Variants in TBC1D19 observed in about 807,000 individuals in gnomAD.
TBC1D19 encodes the protein TBC1 domain family, member 19.
TBC1D19 carries 60 observed loss-of-function variants against 89.0 expected under a neutral mutation model. That is an observed-to-expected ratio of 0.67 (90% CI 0.55 to 0.84). TBC1D19 has a LOEUF of 0.84. Among genes scored for constraint, TBC1D19 ranks in the 40% least tolerant of loss-of-function variants. The pLI is 0.00. For missense variants in TBC1D19, 500 were observed against 610.8 expected, an observed-to-expected ratio of 0.82 and a Z score of 1.91; for synonymous variants, 189 against 199.7, an observed-to-expected ratio of 0.95 and a Z score of 0.45.
intron 18 of TBC1D19, 105 bp downstream of exon 18, chr4:26,742,704 G>T: frequency 1.4e-6 from 1 of 723,056 alleles, no homozygotes; most frequent in Non-Finnish European, 2.2e-6. Context: ...GAGACATTAA[G>T]CTAACAGTTT....
chr4:26,774,158 G>T, the TBC1D19 span, among the ~76,000 whole-genome samples: 1 of 152,198 alleles, frequency 6.6e-6, no homozygotes, highest in Non-Finnish European at 1.5e-5. Context: ...CCCCACAGCT[G>T]CACTGATCCA....
At chr4:26,624,007 A>G (rs1289116066) in intron 4 of TBC1D19, among the ~76,000 whole-genome samples, 2 of 152,116 alleles carry the variant, frequency 1.3e-5, no homozygotes, top group African/African-American at 2.4e-5. Context: ...CCAGTTGCCT[A>G]AAAAATGAAG....
chr4:26,710,141 A>G (rs964346210), intron 13 of TBC1D19, among the ~76,000 whole-genome samples: 2 of 152,054 alleles, frequency 1.3e-5, no homozygotes, highest in Non-Finnish European at 2.9e-5. Context: ...TTAACTCGTC[A>G]TTTAGCATTA....
intron 16 of TBC1D19, among the ~76,000 whole-genome samples, chr4:26,737,501 A>G (rs1220061974): frequency 3.3e-5 from 5 of 152,170 alleles, no homozygotes; most frequent in Non-Finnish European, 5.9e-5. Context: ...ATCTTCTAGC[A>G]AGATCTTCTG....
At chr4:26,833,235 G>A in the TBC1D19 span, among the ~76,000 whole-genome samples, 4 of 152,038 alleles carry the variant, frequency 2.6e-5, no homozygotes, top group African/African-American at 9.7e-5. Context: ...GCTAGAAGAC[G>A]GCACAACAGA....
intron 13 of TBC1D19, among the ~76,000 whole-genome samples, chr4:26,693,345 C>G (rs1268725865): frequency 6.6e-6 from 1 of 152,092 alleles, no homozygotes; most frequent in Non-Finnish European, 1.5e-5. Flanking sequence ...CCAAATAAAA[C>G]TTCAAAGCAG....
the TBC1D19 span, among the ~76,000 whole-genome samples, chr4:26,816,982 C>T: frequency 1.3e-5 from 2 of 152,260 alleles, no homozygotes; most frequent in East Asian, 1.9e-4. Context: ...GAATTTTGGG[C>T]TTCTAGATTC....
At chr4:26,587,752 C>T (rs1027460339) in intron 1 of TBC1D19, among the ~76,000 whole-genome samples, 2 of 151,228 alleles carry the variant, frequency 1.3e-5, no homozygotes, top group Non-Finnish European at 2.9e-5. Context: ...TGGTAGAGTT[C>T]CCAGCAAAGT....
chr4:26,622,534 T>C (rs1356095881), intron 4 of TBC1D19, among the ~76,000 whole-genome samples: 1 of 152,154 alleles, frequency 6.6e-6, no homozygotes, highest in East Asian at 1.9e-4. Flanking sequence ...GACTTTCCCA[T>C]GTATATCACG....
At chr4:26,619,985 ATTG>A (rs1741936961) in intron 3 of TBC1D19, among the ~76,000 whole-genome samples, 1 of 152,186 alleles carries the variant, frequency 6.6e-6, no homozygotes, top group African/African-American at 2.4e-5. Flanking sequence ...GGAGTTATAT[ATTG>A]TTGTGAAATG....
intron 12 of TBC1D19, among the ~76,000 whole-genome samples, chr4:26,687,220 G>T (rs983855280): frequency 2.0e-4 from 31 of 152,000 alleles, no homozygotes; most frequent in Non-Finnish European, 4.3e-4. Context: ...AAGGGCTTTT[G>T]GTGAATTTTT....
the TBC1D19 span, chr4:26,857,739 G>A: frequency 6.6e-6 from 1 of 152,284 alleles, no homozygotes. Context: ...GTCGGGAACC[G>A]GTTCTCCGAG....
At chr4:26,769,821 T>G in the TBC1D19 span, among the ~76,000 whole-genome samples, 2 of 152,140 alleles carry the variant, frequency 1.3e-5, no homozygotes, top group Non-Finnish European at 2.9e-5. Context: ...GTGCTGGGAT[T>G]ACAGGCATGA....
intron 13 of TBC1D19, among the ~76,000 whole-genome samples, chr4:26,697,539 G>T (rs971516684): frequency 1.3e-5 from 2 of 152,124 alleles, no homozygotes; most frequent in African/African-American, 2.4e-5. Context: ...TGATACCAAA[G>T]CCTGGCAGAG....
At chr4:26,656,683 C>T (rs1323628028) in intron 7 of TBC1D19, among the ~76,000 whole-genome samples, 4 of 151,832 alleles carry the variant, frequency 2.6e-5, no homozygotes, top group Non-Finnish European at 4.4e-5. Flanking sequence ...CTCAGCCTCC[C>T]GAGTAGCTGG....
At chr4:26,668,565 G>T in intron 9 of TBC1D19, among the ~76,000 whole-genome samples, 1 of 151,952 alleles carries the variant, frequency 6.6e-6, no homozygotes, top group Admixed American at 6.6e-5. Flanking sequence ...CATTTAAAGG[G>T]CAGTTGGAGC....
At chr4:26,737,600 G>A (rs1718122341) in intron 16 of TBC1D19, among the ~76,000 whole-genome samples, 2 of 152,064 alleles carry the variant, frequency 1.3e-5, no homozygotes. Context: ...CAAGGGGAAA[G>A]CATTTGCTAA....
chr4:26,822,971 T>C, the TBC1D19 span, among the ~76,000 whole-genome samples: 1 of 152,204 alleles, frequency 6.6e-6, no homozygotes, highest in East Asian at 1.9e-4. Flanking sequence ...AGACTGACCC[T>C]GCCCAGGAGT....
chr4:26,824,646 T>G, the TBC1D19 span, among the ~76,000 whole-genome samples: 1 of 152,206 alleles, frequency 6.6e-6, no homozygotes, highest in East Asian at 1.9e-4. Flanking sequence ...AGTTAATTCC[T>G]TCTTTTTAAC....
Sources: allele counts gnomAD v4.1 joint callset (sites outside exome capture counted in the v4.1 genomes callset), GRCh38; gene constraint gnomAD v4.1.1; transcripts MANE v1.5; gene names NCBI Gene and HGNC (gene_info 2026-07-23, HGNC 2026-07-21).